Variants in BTD observed in about 807,000 individuals in gnomAD.
BTD encodes biocytinase.
In BTD, 13 loss-of-function variants were observed where a neutral mutation model predicts 17.7. The observed-to-expected ratio is 0.74, with a 90% CI of 0.48 to 1.17. The LOEUF is 1.17. Ranked by LOEUF, BTD falls within the 50% of genes most tolerant of loss-of-function variation. BTD has a pLI of 0.00. For synonymous variants in BTD, 240 were observed against 245.2 expected (o/e 0.98, Z 0.20); for missense variants, 674 against 650.4 (o/e 1.04, Z -0.39).
chr3:15,708,497 A>T (rs896123286), intron 3 of BTD, among the ~76,000 whole-genome samples: 1 of 152,218 alleles, frequency 6.6e-6, no homozygotes, highest in African/African-American at 2.4e-5. Flanking sequence ...TAGAAGAAAC[A>T]TTAAAAAAAA....
chr3:15,692,532 TC>T (rs1559346726), intron 3 of BTD, among the ~76,000 whole-genome samples: 1 of 152,186 alleles, frequency 6.6e-6, no homozygotes, highest in Admixed American at 6.5e-5. Context: ...ACAGGGCTTT[TC>T]CCCCCATGAT....
At chr3:15,638,547 A>G (rs1360251355) in intron 2 of BTD, among the ~76,000 whole-genome samples, 1 of 152,222 alleles carries the variant, frequency 6.6e-6, no homozygotes. Context: ...AAATCTGGTT[A>G]TATGTTTTAA....
chr3:15,649,795 C>T lies in BTD; in HGVS notation c.*4307C>T, dbSNP rs1052057726. On this transcript the variant is annotated 3_prime_UTR_variant, in exon 4 of 4. Transcript: ENST00000643237. ...TGTTTCCCATTCCCAGTTCACAGAG[C>T]CCTTTCTCATTGAACTATTTATCTG... Among the ~76,000 whole-genome samples, 16 of 152,240 alleles carry T rather than the reference C, an allele frequency of 1.1e-4. 4 individuals are homozygous for T. Among genetic ancestry groups the T allele is most frequent in the East Asian group, 1.9e-4 (1 of 5,168 alleles).
At chr3:15,642,450 T>C (rs1270934322) in intron 3 of BTD, among the ~76,000 whole-genome samples, 1 of 148,608 alleles carries the variant, frequency 6.7e-6, no homozygotes, top group Non-Finnish European at 1.5e-5. Context: ...GTTATTGACA[T>C]CCTCTTTTTT....
rs1470515364 is a variant in BTD, at chr3:15,674,196, A to AAAAAAAAAAG, written c.399+32141_399+32142insAAAAAAAGAA. On this transcript the variant is annotated intron_variant, in intron 3 of 3. Transcript: ENST00000672141. The stretch of plus-strand genomic sequence containing the variant: ...CTTCAAAAAAAAAAAAAAAAAAAAA[A>AAAAAAAAAAG]AAGAAGAAGAACCGAAATTCAAGAG... 3.0e-3 allele frequency among the ~76,000 whole-genome samples: 395 copies of AAAAAAAAAAG among 129,974 alleles called. 6 individuals carry two copies. The highest frequency in any genetic ancestry group is 0.016 in the East Asian group (48 of 2,928). 85.3% of individuals were successfully genotyped at this position (129,974 alleles called of 152,430 possible). A position where few individuals can be genotyped will look rare whatever the true frequency, so the allele number is the denominator to read the frequency against.
In BTD at chr3:15,676,195, G is replaced by A. The variant is rs562935986; in HGVS notation, c.400-33865G>A. On this transcript the variant is annotated intron_variant, in intron 3 of 3. Transcript: ENST00000672141. ...GTCACACCTTGTCAACGTGTAGCTC[G>A]GCATCAAGCTCAGCCATAGGTCCCA... 8 of 403,860 alleles carry A rather than the reference G, an allele frequency of 2.0e-5. No homozygotes were observed. In the South Asian group the frequency reaches 4.8e-4, roughly 24 times the overall value. The allele number at this position is 403,860 out of a possible 1,614,324, so 25.0% of individuals were successfully genotyped here.
At chr3:15,712,309 T>A (rs2072415538) in exon 4 of BTD, 4 of 1,128,192 alleles carry the variant, frequency 3.5e-6, no homozygotes, top group Non-Finnish European at 5.1e-6. Flanking sequence ...ACCACTTAAG[T>A]GAAAGATAAC....
chr3:15,663,416 C>T (rs1191516513), intron 3 of BTD, among the ~76,000 whole-genome samples: 2 of 152,196 alleles, frequency 1.3e-5, no homozygotes, highest in Non-Finnish European at 2.9e-5. Context: ...TATAATTTCA[C>T]CCTGCGTGTT....
intron 1 of BTD, among the ~76,000 whole-genome samples, chr3:15,623,456 G>A (rs771233731): frequency 1.3e-5 from 2 of 151,946 alleles, no homozygotes; most frequent in African/African-American, 4.8e-5. Flanking sequence ...TTTTCTACTT[G>A]CTGCCTTTGT....
chr3:15,653,795 A>G (rs923298258), downstream of BTD, among the ~76,000 whole-genome samples: 5 of 152,198 alleles, frequency 3.3e-5, no homozygotes, highest in Admixed American at 1.3e-4. Context: ...ATGTCTTGCA[A>G]CTCTCAAAAA....
At chr3:15,602,344 T>A in intron 1 of BTD, 1 of 1,028,696 alleles carries the variant, frequency 9.7e-7, no homozygotes, top group Non-Finnish European at 1.2e-6. Flanking sequence ...CAGCCCTTGC[T>A]ACTAATCCAT....
At chr3:15,602,830 G>A (rs942986048) in intron 1 of BTD, among the ~76,000 whole-genome samples, 39 of 152,224 alleles carry the variant, frequency 2.6e-4, no homozygotes, top group African/African-American at 9.4e-4. Flanking sequence ...CCCTGCATAT[G>A]TGGACGGTGT....
At position 15,627,164 on chromosome 3, in the gene BTD, A is replaced by G. The variant is rs536911912; in HGVS notation, c.-16-8260A>G. On this transcript the variant is annotated intron_variant, in intron 1 of 3. Coordinates refer to ENST00000643237, the MANE Select transcript of BTD (RefSeq NM_001370658.1). The stretch of plus-strand genomic sequence containing the variant: ...CCGAACACCCCTGAGCAGCCACGGC[A>G]TGCCGGCTCACCGTGCTTCCCACCA... 2.0e-5 allele frequency among the ~76,000 whole-genome samples: 3 copies of G among 152,328 alleles called. No homozygotes were observed. The East Asian group carries it at 5.8e-4, about 29-fold the overall frequency.
chr3:15,602,396 C>T (rs1384506127), intron 1 of BTD: 2 of 876,512 alleles, frequency 2.3e-6, no homozygotes, highest in Non-Finnish European at 2.8e-6. Context: ...GGAACTATGG[C>T]GTTTCATAAT....
chr3:15,670,021 A>T, intron 3 of BTD: 1 of 445,504 alleles, frequency 2.2e-6, no homozygotes, highest in Non-Finnish European at 4.0e-6. Context: ...AAACCAAATT[A>T]AACAATTCCA....
chr3:15,687,452 T>C (rs1384235463), intron 3 of BTD, among the ~76,000 whole-genome samples: 2 of 152,116 alleles, frequency 1.3e-5, no homozygotes, highest in African/African-American at 2.4e-5. Context: ...AAAAGAGCTT[T>C]TGAAGTAAGT....
Position 15,646,917 on chromosome 3 carries a change from C to T in BTD, c.*1429C>T, listed in dbSNP as rs2065707165. On this transcript the variant is annotated 3_prime_UTR_variant, in exon 4 of 4. Transcript: ENST00000643237. ...AGACTGATGGGGTTTCCATGCATGG[C>T]CTCACCATTAACTCCTCACTGGGGA... 1 of 152,156 alleles carries T rather than the reference C, an allele frequency of 6.6e-6. No homozygotes were observed. Among genetic ancestry groups the T allele is most frequent in the Admixed American group, 6.5e-5 (1 of 15,282 alleles). The allele number at this position is 152,156 out of a possible 1,614,324, so 9.4% of individuals were successfully genotyped here.
rs115079908 is a variant in BTD, at chr3:15,604,329, G to A, written c.-17+2435G>A. ...GCTGCCAAGGCTTCAGGCTTGCACTGTCTGAAGCCAGGCCTGAGCTGTACA... is the reference window on the plus strand; with the variant it reads ...GCTGCCAAGGCTTCAGGCTTGCACTATCTGAAGCCAGGCCTGAGCTGTACA... On this transcript the variant is annotated intron_variant, in intron 1 of 3. Coordinates refer to ENST00000643237, the MANE Select transcript of BTD (RefSeq NM_001370658.1). Among the ~76,000 whole-genome samples the A allele has an allele frequency of 7.7e-3, 1,174 of 152,376 alleles. 11 individuals are homozygous for A. Among genetic ancestry groups the A allele is most frequent in the African/African-American group, 0.026 (1,102 of 41,598 alleles).
At chr3:15,717,819 T>C (rs2073250465) in intron 4 of BTD, among the ~76,000 whole-genome samples, 1 of 152,148 alleles carries the variant, frequency 6.6e-6, no homozygotes, top group Admixed American at 6.6e-5. Flanking sequence ...CCTGATTCAT[T>C]TTACCTCTAC....
Sources: gnomAD v4.1 joint callset for allele counts (sites outside exome capture counted in the v4.1 genomes callset) on GRCh38, gnomAD v4.1.1 for gene constraint, MANE v1.5 for transcripts, NCBI Gene and HGNC (gene_info 2026-07-23, HGNC 2026-07-21) for gene names.